The following PMM1 variants were observed in gnomAD, a reference collection of about 807,000 sequenced individuals.
PMM1 encodes phosphomannomutase 1.
A neutral mutation model predicts 34.0 loss-of-function variants in PMM1; 25 were observed. The ratio of observed to expected loss-of-function variants is 0.73; its 90% CI spans 0.54 to 1.03. The LOEUF (loss-of-function observed/expected upper bound fraction) is 1.03, where lower values mean the gene tolerates loss of function less well. Among genes scored for constraint, PMM1 ranks in the 50% least tolerant of loss-of-function variants. PMM1 has a pLI of 0.00. For missense variants in PMM1, 321 were observed against 350.1 expected (o/e 0.92, Z 0.66); for synonymous variants, 134 against 143.9 (o/e 0.93, Z 0.49).
At chr22:41,580,248 G>A (rs1017933817) in intron 5 of PMM1, 1 of 152,362 alleles carries the variant, frequency 6.6e-6, no homozygotes, top group African/African-American at 2.4e-5. Context: ...AGGAAGGGAA[G>A]TACTCATCCC....
chr22:41,577,135 A>C lies in PMM1; in HGVS notation c.*183T>G. 1.3e-6 allele frequency: 1 copy of C among 753,476 alleles called. No individual in the cohort carries two copies. Among genetic ancestry groups the C allele is most frequent in the Admixed American group, 2.2e-5 (1 of 45,356 alleles). The allele number at this position is 753,476 out of a possible 1,614,324, so 46.7% of individuals were successfully genotyped here. On this transcript the variant is annotated 3_prime_UTR_variant, in exon 8 of 8. Transcript: ENST00000216259. ...CTCTGGGCCCTGGGAGGACGAAGCC[A>C]GTGCCACTAGGAGCAGACTGGCTGG...
chr22:41,586,045 C>T (rs767928206), intron 2 of PMM1, 31 bp downstream of exon 2: 3 of 1,521,684 alleles, frequency 2.0e-6, no homozygotes, highest in Non-Finnish European at 2.7e-6. Context: ...CTCAAACTCC[C>T]CACTCCCTCT....
At chr22:41,582,284 C>G (rs777460835) in intron 5 of PMM1, among the ~76,000 whole-genome samples, 1 of 152,062 alleles carries the variant, frequency 6.6e-6, no homozygotes, top group Non-Finnish European at 1.5e-5. Context: ...ACAGCGAGAT[C>G]CCATCCCTAC....
intron 1 of PMM1, 52 bp from the exon 2 acceptor site, chr22:41,586,245 C>T: frequency 6.3e-7 from 1 of 1,597,482 alleles, no homozygotes; most frequent in Non-Finnish European, 8.5e-7. Context: ...ATGTCTGGGA[C>T]CTCCACTTAG....
intron 1 of PMM1, chr22:41,589,473 C>T: frequency 5.1e-6 from 3 of 585,652 alleles, no homozygotes; most frequent in South Asian, 2.0e-5. Flanking sequence ...CCTCCTCCCT[C>T]CAGTACTGGA....
rs571185688 is a variant in PMM1 at position 41,586,735 on chromosome 22, C to T, written c.88-542G>A. 3.6e-4 allele frequency among the ~76,000 whole-genome samples: 54 copies of T among 151,628 alleles called. 1 individual carries two copies. In the South Asian group the frequency reaches 0.011, roughly 30 times the overall value. On this transcript the variant is annotated intron_variant, in intron 1 of 7. Transcript: ENST00000216259. Reference sequence around the variant, plus strand: ...TGTTGGCCAGGCTGGTCTTGAACTCCTGACTTCAGGTGATCCATCCGCCTG... The same window carrying T: ...TGTTGGCCAGGCTGGTCTTGAACTCTTGACTTCAGGTGATCCATCCGCCTG...
chr22:41,587,176 A>C (rs1231507090), intron 1 of PMM1, among the ~76,000 whole-genome samples: 1 of 150,440 alleles, frequency 6.6e-6, no homozygotes, highest in African/African-American at 2.4e-5. Context: ...GGGCTGAGGC[A>C]GGAGAATGGC....
chr22:41,577,235 C>T lies in PMM1; in HGVS notation c.*83G>A. The T allele has an allele frequency of 6.3e-7, 1 of 1,582,822 alleles. No homozygotes were observed. The highest frequency in any genetic ancestry group is 8.6e-7 in the Non-Finnish European group (1 of 1,159,764). On this transcript the variant is annotated 3_prime_UTR_variant, in exon 8 of 8. Transcript: ENST00000216259. ...GGCGTCCTGGGCCAGAGGAGGGGCC[C>T]TGGCATCTATCCAACACCAGGACCT... is the stretch of plus-strand genomic sequence containing the variant.
At chr22:41,583,546 T>C (rs904542851) in intron 5 of PMM1, among the ~76,000 whole-genome samples, 1 of 151,854 alleles carries the variant, frequency 6.6e-6, no homozygotes, top group Non-Finnish European at 1.5e-5. Context: ...GGCAGGGCTA[T>C]GCAAGGGGTA....
In PMM1 at chr22:41,577,486, C is replaced by T. The variant is rs1218632860; in HGVS notation, c.667-46G>A. ...GAGGAGGGATATTTAGGTGGAGTCC[C>T]TCTCCACATTGGCTGCTACGGACCT... On this transcript the variant is annotated intron_variant, in intron 7 of 7. Coordinates refer to ENST00000216259, the MANE Select transcript of PMM1 (RefSeq NM_002676.3). The T allele has an allele frequency of 4.4e-6, 7 of 1,576,572 alleles. No individual in the cohort carries two copies. In the African/African-American group the frequency reaches 9.4e-5, roughly 21 times the overall value.
At chr22:41,589,230 G>A (rs2067350550) in intron 1 of PMM1, 2 of 733,720 alleles carry the variant, frequency 2.7e-6, no homozygotes, top group South Asian at 2.9e-5. Flanking sequence ...GCCTGCAAAG[G>A]TCGGGGTGGG....
intron 1 of PMM1, among the ~76,000 whole-genome samples, chr22:41,588,011 T>C (rs187826010): frequency 6.6e-6 from 1 of 152,268 alleles, no homozygotes; most frequent in Non-Finnish European, 1.5e-5. Context: ...GAGTCAGAAC[T>C]GTGCCTAGGC....
At position 41,584,560 on chromosome 22, in the gene PMM1, C is replaced by T. The variant is rs1319332505; in HGVS notation, c.249G>A (p.Val83=). The T allele has an allele frequency of 6.2e-7, 1 of 1,613,990 alleles. No individual in the cohort carries two copies. The highest frequency in any genetic ancestry group is 8.5e-7 in the Non-Finnish European group (1 of 1,179,944). Residue 83 remains valine (V), a synonymous_variant, in exon 3 of 8, where the codon GTG becomes GTA. Coordinates refer to ENST00000216259, the MANE Select transcript of PMM1 (RefSeq NM_002676.3). Reference sequence around the variant, plus strand: ...AGAGCAGTCGTCCGTGCTTATACTGCACCGTCCCGTTCTCGGCAAACACAT... The same window carrying T: ...AGAGCAGTCGTCCGTGCTTATACTGTACCGTCCCGTTCTCGGCAAACACAT... ...FDYVFAENGT[V]QYKHGRLLSK...
At chr22:41,581,934 G>A (rs1290494382) in intron 5 of PMM1, among the ~76,000 whole-genome samples, 2 of 151,988 alleles carry the variant, frequency 1.3e-5, no homozygotes, top group African/African-American at 4.8e-5. Flanking sequence ...CCAGTGAGCC[G>A]AGATTGTGCC....
chr22:41,587,094 T>C (rs2067317309), intron 1 of PMM1, among the ~76,000 whole-genome samples: 1 of 151,332 alleles, frequency 6.6e-6, no homozygotes, highest in African/African-American at 2.4e-5. Flanking sequence ...GGTGAAACCC[T>C]GTCTCTACTA....
chr22:41,587,128 G>T (rs1000042826), intron 1 of PMM1, among the ~76,000 whole-genome samples: 10 of 152,016 alleles, frequency 6.6e-5, no homozygotes, highest in Admixed American at 4.6e-4. Context: ...AATTAGCCGG[G>T]CGTGGTGGCA....
chr22:41,577,551 C>T (rs2067188168), intron 7 of PMM1, 111 bp from the exon 8 acceptor site: 4 of 1,231,324 alleles, frequency 3.2e-6, no homozygotes, highest in African/African-American at 1.5e-5. Context: ...AGGAAGCCCA[C>T]CTTCTCACCC....
chr22:41,581,039 C>T (rs895156398), intron 5 of PMM1, among the ~76,000 whole-genome samples: 2 of 134,482 alleles, frequency 1.5e-5, no homozygotes, highest in African/African-American at 5.4e-5. Context: ...CGCTTGAACC[C>T]GGGAGGCAGA....
chr22:41,581,113 C>CA (rs933737603), intron 5 of PMM1, among the ~76,000 whole-genome samples: 10,626 of 40,386 alleles, frequency 0.26, 1,221 homozygotes, highest in Admixed American at 0.38. Flanking sequence ...GACTCCATCT[C>CA]AAAAAAAAAA....
Sources: gnomAD v4.1 joint callset for allele counts (sites outside exome capture counted in the v4.1 genomes callset) on GRCh38, gnomAD v4.1.1 for gene constraint, MANE v1.5 for transcripts, NCBI Gene and HGNC (gene_info 2026-07-23, HGNC 2026-07-21) for gene names.